ASH1L: variants seen among roughly 807,000 people sequenced by gnomAD.
ASH1L encodes the protein histone-lysine N-methyltransferase ASH1L.
ASH1L carries 23 observed loss-of-function variants against 269.0 expected under a neutral mutation model. The ratio of observed to expected loss-of-function variants is 0.09; its 90% CI spans 0.06 to 0.12. ASH1L has a LOEUF of 0.12. ASH1L is among the 10% of genes least tolerant of loss of function. The pLI is 1.00. For synonymous variants in ASH1L, 1,187 were observed against 1,253.5 expected (o/e 0.95, Z 1.12); for missense variants, 2,912 against 3,567.8 (o/e 0.82, Z 4.68).
At chr1:155,430,180 T>A (rs1661495992) in intron 5 of ASH1L, among the ~76,000 whole-genome samples, 1 of 152,036 alleles carries the variant, frequency 6.6e-6, no homozygotes, top group African/African-American at 2.4e-5. Flanking sequence ...TTCCCTATGT[T>A]GCCCAGGGTG....
At chr1:155,423,532 G>A (rs549868618) in intron 5 of ASH1L, among the ~76,000 whole-genome samples, 44 of 152,028 alleles carry the variant, frequency 2.9e-4, no homozygotes, top group African/African-American at 1.0e-3. Flanking sequence ...TCGTGCCACC[G>A]CACTCCAGCC....
chr1:155,537,342 A>G (rs917795787), intron 1 of ASH1L, among the ~76,000 whole-genome samples: 1 of 152,202 alleles, frequency 6.6e-6, no homozygotes, highest in Non-Finnish European at 1.5e-5. Context: ...AAACTCCACT[A>G]ACATTTATCT....
At chr1:155,414,452 G>A (rs758605783) in intron 6 of ASH1L, among the ~76,000 whole-genome samples, 20 of 152,188 alleles carry the variant, frequency 1.3e-4, no homozygotes, top group Non-Finnish European at 2.8e-4. Context: ...TGGGATTACA[G>A]GCATGTGCCA....
chr1:155,419,140 C>T (rs1445075541), intron 5 of ASH1L, among the ~76,000 whole-genome samples: 1 of 152,044 alleles, frequency 6.6e-6, no homozygotes, highest in East Asian at 1.9e-4. Context: ...GTGGCTCATG[C>T]CTGTAATCCC....
upstream of ASH1L, chr1:155,562,917 A>G (rs1277717521): frequency 3.9e-6 from 1 of 253,362 alleles, no homozygotes; most frequent in Non-Finnish European, 7.7e-6. Context: ...ACCACCCTCC[A>G]CCCCTCGCGC....
chr1:155,548,100 A>C (rs1670952687), intron 1 of ASH1L, among the ~76,000 whole-genome samples: 1 of 152,110 alleles, frequency 6.6e-6, no homozygotes, highest in South Asian at 2.1e-4. Flanking sequence ...CTCACCCATA[A>C]GTGGGAGTTG....
At position 155,336,217 on chromosome 1, in the gene ASH1L, C is replaced by T. The variant is rs1001317722; in HGVS notation, c.*1443G>A. ...AAGGTGGTCAATGTGTCTACCTAAA[C>T]GAGTCAGAGCATCGTCACCATAAGG... On this transcript the variant is annotated 3_prime_UTR_variant, in exon 28 of 28. Transcript: ENST00000392403. 6.6e-6 allele frequency: 1 copy of T among 152,376 alleles called. No individual in the cohort carries two copies. The highest frequency in any genetic ancestry group is 2.1e-4 in the South Asian group (1 of 4,822). The allele number at this position is 152,376 out of a possible 1,614,324, so 9.4% of individuals were successfully genotyped here.
Position 155,521,160 on chromosome 1 carries a change from C to A in ASH1L, c.360G>T (p.Arg120Ser). The A allele has an allele frequency of 6.2e-7, 1 of 1,612,762 alleles. No homozygotes were observed. Among genetic ancestry groups the A allele is most frequent in the Non-Finnish European group, 8.5e-7 (1 of 1,179,784 alleles). Residue 120 changes from arginine (R) to serine (S), a missense_variant, in exon 2 of 28, where the codon AGG (arginine) becomes AGT (serine). By Grantham distance (110) the Arg-to-Ser change is moderately radical. Around this residue, in one of 13 missense-constraint regions of ASH1L, gnomAD observed 277 missense variants for 367.7 expected, o/e 0.75. Coordinates refer to ENST00000392403, the MANE Select transcript of ASH1L (RefSeq NM_018489.3). ...PAIKTTIKHPRKALKSGKMTD... is the reference protein window; with the variant it reads ...PAIKTTIKHPSKALKSGKMTD... ...TCATCTTTCCACTTTTAAGTGCTTT[C>A]CTTGGGTGCTTAATAGTTGTTTTTA...
At chr1:155,400,600 A>T (rs1357072034) in intron 6 of ASH1L, among the ~76,000 whole-genome samples, 1 of 152,190 alleles carries the variant, frequency 6.6e-6, no homozygotes, top group Non-Finnish European at 1.5e-5. Context: ...CGAAGCTAGG[A>T]TCTGATAAAT....
rs751798754 is a variant in ASH1L, at chr1:155,521,133, C to T, written c.387G>A (p.Thr129=). Residue 129 remains threonine, a synonymous_variant, in exon 2 of 28, where the codon ACG becomes ACA. Coordinates refer to ENST00000392403, the MANE Select transcript of ASH1L (RefSeq NM_018489.3). ...AAGGACAGTGTTCATTCTTTTCATC[C>T]GTCATCTTTCCACTTTTAAGTGCTT... The part of the protein sequence containing the change: ...PRKALKSGKM[T]DEKNEHCPSK... 285 of 1,606,664 alleles carry T rather than the reference C, an allele frequency of 1.8e-4. No individual in the cohort carries two copies. Among genetic ancestry groups the T allele is most frequent in the Non-Finnish European group, 2.3e-4 (274 of 1,178,000 alleles).
Position 155,482,361 on chromosome 1 carries a change from T to A in ASH1L, c.509A>T (p.Glu170Val). 1 of 1,614,206 alleles carries A rather than the reference T, an allele frequency of 6.2e-7. No homozygotes were observed. The highest frequency in any genetic ancestry group is 8.5e-7 in the Non-Finnish European group (1 of 1,180,012). Residue 170 changes from glutamate (E) to valine (V), a missense_variant, in exon 3 of 28, where the codon GAA becomes GTA. Physicochemically the swap from Glu to Val is moderately radical, Grantham distance 121 (BLOSUM62 -2). Transcript: ENST00000392403. ...EEVIRLHSQG[E>V]NNPLSKKLSP... ...CAGCTTCTTAGACAAAGGATTGTTT[T>A]CTCCCTGTGAATGAAGACGGATGAC...
rs1558008735 is a variant in ASH1L at position 155,338,096 on chromosome 1, T to C, written c.8796A>G (p.Gly2932=). The C allele has an allele frequency of 4.3e-6, 7 of 1,612,220 alleles. No individual in the cohort carries two copies. In the Admixed American group the frequency reaches 5.0e-5, roughly 12 times the overall value. The change falls in exon 27 of 28, where the codon GGA becomes GGG. Residue 2932 remains glycine (G), a synonymous_variant. Coordinates refer to ENST00000392403, the MANE Select transcript of ASH1L (RefSeq NM_018489.3). ...GAACCTGATTCTTCTTACCATTTTT[T>C]CCAGGGATTTTTTCAAGGAGATTGA... ...ILLNLLEKIP[G]KNAIDVTYLL... is the part of the protein sequence containing the mutation.
chr1:155,364,916 C>T (rs1185211023), intron 12 of ASH1L, among the ~76,000 whole-genome samples: 1 of 131,644 alleles, frequency 7.6e-6, no homozygotes, highest in East Asian at 2.2e-4. Flanking sequence ...TACTCCAGCT[C>T]TGTCTTAAAA....
intron 12 of ASH1L, 152 bp downstream of exon 12, chr1:155,370,352 G>C: frequency 2.3e-6 from 2 of 878,328 alleles, no homozygotes; most frequent in Non-Finnish European, 3.5e-6. Context: ...GGGTGAAAAC[G>C]AAGCAGCTTA....
At chr1:155,499,589 A>G (rs796894885) in intron 2 of ASH1L, among the ~76,000 whole-genome samples, 5 of 152,274 alleles carry the variant, frequency 3.3e-5, no homozygotes, top group African/African-American at 1.2e-4. Flanking sequence ...TAGGACCTTT[A>G]ATTCTGATGT....
chr1:155,486,442 TAGAA>T (rs1327942418), intron 2 of ASH1L, among the ~76,000 whole-genome samples: 3 of 148,790 alleles, frequency 2.0e-5, no homozygotes, highest in South Asian at 2.1e-4. Context: ...AAAAAAAAAA[TAGAA>T]AGAATGAATA....
chr1:155,426,579 A>T (rs1486875724), intron 5 of ASH1L, among the ~76,000 whole-genome samples: 1 of 152,210 alleles, frequency 6.6e-6, no homozygotes, highest in Non-Finnish European at 1.5e-5. Flanking sequence ...ACCTCAGGTG[A>T]TCTGCCCACA....
At chr1:155,535,140 G>A (rs748097307) in intron 1 of ASH1L, among the ~76,000 whole-genome samples, 1 of 149,954 alleles carries the variant, frequency 6.7e-6, no homozygotes, top group African/African-American at 2.5e-5. Context: ...GGTGAGCCAA[G>A]ATCGTGCCAT....
At chr1:155,431,394 A>G (rs1340885809) in intron 5 of ASH1L, among the ~76,000 whole-genome samples, 1 of 151,858 alleles carries the variant, frequency 6.6e-6, no homozygotes, top group Non-Finnish European at 1.5e-5. Flanking sequence ...AGTGCAAGTG[A>G]TCCTCCCACC....
Sources: gnomAD v4.1 joint callset for allele counts (sites outside exome capture counted in the v4.1 genomes callset) on GRCh38, gnomAD v4.1.1 for gene constraint, gnomAD v4.1.1 regional missense constraint, MANE v1.5 for transcripts, NCBI Gene and HGNC (gene_info 2026-07-23, HGNC 2026-07-21) for gene names.